TAFA1: variants seen among roughly 807,000 people sequenced by gnomAD.
TAFA1 encodes chemokine-like protein TAFA-1.
A neutral mutation model predicts 18.5 loss-of-function variants in TAFA1; 4 were observed. The observed-to-expected ratio is 0.22, with a 90% CI of 0.11 to 0.49. The LOEUF (loss-of-function observed/expected upper bound fraction) is 0.49. Among genes scored for constraint, TAFA1 ranks in the 20% least tolerant of loss-of-function variants. TAFA1 has a pLI of 0.98. For missense variants in TAFA1, 147 were observed against 169.0 expected (o/e 0.87, Z 0.72); for synonymous variants, 56 against 55.2 (o/e 1.01, Z -0.06).
At chr3:68,247,980 A>T (rs2067116432) in intron 2 of TAFA1, among the ~76,000 whole-genome samples, 1 of 152,160 alleles carries the variant, frequency 6.6e-6, no homozygotes, top group African/African-American at 2.4e-5. Flanking sequence ...TTATGTTCAT[A>T]AAGTAAAGAT....
chr3:68,462,465 C>T (rs931690393), intron 3 of TAFA1, among the ~76,000 whole-genome samples: 1 of 152,112 alleles, frequency 6.6e-6, no homozygotes, highest in African/African-American at 2.4e-5. Flanking sequence ...CACCTTTCAC[C>T]ATGATCATGA....
intron 2 of TAFA1, among the ~76,000 whole-genome samples, chr3:68,187,217 C>A (rs1488054965): frequency 2.0e-5 from 3 of 151,824 alleles, no homozygotes; most frequent in African/African-American, 7.3e-5. Flanking sequence ...TTATAAGCAG[C>A]CTCTCATTAT....
At chr3:68,211,114 C>G (rs2066591550) in intron 2 of TAFA1, among the ~76,000 whole-genome samples, 1 of 151,980 alleles carries the variant, frequency 6.6e-6, no homozygotes, top group Non-Finnish European at 1.5e-5. Flanking sequence ...AACAAGGCAG[C>G]CTTAGCTGTG....
intron 2 of TAFA1, among the ~76,000 whole-genome samples, chr3:68,103,328 G>T (rs1009093714): frequency 9.2e-5 from 14 of 152,346 alleles, no homozygotes; most frequent in South Asian, 6.2e-4. Flanking sequence ...TGAGGAGGAA[G>T]TGTTGTATGG....
intron 2 of TAFA1, among the ~76,000 whole-genome samples, chr3:68,187,294 GGATT>G (rs2066282848): frequency 6.6e-6 from 1 of 151,844 alleles, no homozygotes; most frequent in South Asian, 2.1e-4. Context: ...ATTACTTAAT[GGATT>G]ATCACAAAGT....
chr3:68,229,958 T>G (rs73097310), intron 2 of TAFA1, among the ~76,000 whole-genome samples: 1,643 of 152,214 alleles, frequency 0.011, 16 homozygotes, highest in Non-Finnish European at 0.017. Context: ...ATAAGTAACT[T>G]TTTTTTAATT....
intron 2 of TAFA1, among the ~76,000 whole-genome samples, chr3:68,011,128 T>TG (rs1704462834): frequency 3.8e-5 from 1 of 26,074 alleles, no homozygotes; most frequent in Admixed American, 4.6e-4. Context: ...TGTGTGTGTG[T>TG]GGGGGGTGGT....
intron 2 of TAFA1, among the ~76,000 whole-genome samples, chr3:68,331,100 T>C (rs1189276456): frequency 7.0e-6 from 1 of 143,756 alleles, no homozygotes; most frequent in Non-Finnish European, 1.5e-5. Flanking sequence ...TGAAATATTA[T>C]TCAATCTTAA....
At position 68,006,715 on chromosome 3, in the gene TAFA1, C is replaced by G; in HGVS notation, c.89C>G (p.Thr30Ser). 1 of 1,613,994 alleles carries G rather than the reference C, an allele frequency of 6.2e-7. No homozygotes were observed. The highest frequency in any genetic ancestry group is 1.1e-5 in the South Asian group (1 of 91,088). ...MLLCHGSLQH[T>S]FQQHHLHRPE... ...CTCTGCCATGGATCCCTTCAGCACACTTTCCAGCAGCATCACCTGCACAGA... is the reference window on the plus strand; with the variant it reads ...CTCTGCCATGGATCCCTTCAGCACAGTTTCCAGCAGCATCACCTGCACAGA... Residue 30 changes from threonine to serine, a missense_variant, in exon 2 of 5, where the codon ACT (threonine) becomes AGT (serine). Coordinates refer to ENST00000478136, the MANE Select transcript of TAFA1 (RefSeq NM_213609.4).
chr3:68,525,043 T>C (rs1029942312), intron 3 of TAFA1, among the ~76,000 whole-genome samples: 1 of 152,094 alleles, frequency 6.6e-6, no homozygotes, highest in Non-Finnish European at 1.5e-5. Context: ...TATATAGCCA[T>C]AAATACAGTC....
chr3:68,308,517 A>G (rs1194174076), intron 2 of TAFA1, among the ~76,000 whole-genome samples: 1 of 152,178 alleles, frequency 6.6e-6, no homozygotes, highest in East Asian at 1.9e-4. Flanking sequence ...GCTTCTTATA[A>G]GTACCACATG....
chr3:68,503,109 T>G (rs1308694472), intron 3 of TAFA1, among the ~76,000 whole-genome samples: 4 of 152,146 alleles, frequency 2.6e-5, no homozygotes, highest in African/African-American at 9.7e-5. Context: ...AAGTGGAAAG[T>G]TCCATACTTG....
intron 3 of TAFA1, among the ~76,000 whole-genome samples, chr3:68,531,019 C>CAAAACAAAAG (rs753155495): frequency 1.4e-5 from 2 of 147,628 alleles, no homozygotes; most frequent in Non-Finnish European, 3.0e-5. Context: ...ACAACAACAA[C>CAAAACAAAAG]AAAACAAAAC....
intron 2 of TAFA1, among the ~76,000 whole-genome samples, chr3:68,300,020 G>A (rs1360995293): frequency 6.6e-6 from 1 of 152,230 alleles, no homozygotes; most frequent in Non-Finnish European, 1.5e-5. Flanking sequence ...AATGTGGGGT[G>A]GGAACCCCCA....
intron 2 of TAFA1, among the ~76,000 whole-genome samples, chr3:68,165,831 C>T (rs1489811042): frequency 1.3e-5 from 2 of 152,226 alleles, no homozygotes. Flanking sequence ...TCGTTTTGCT[C>T]ACTGCTATAT....
At chr3:68,537,319 C>T (rs531231984) in intron 3 of TAFA1, among the ~76,000 whole-genome samples, 4 of 152,116 alleles carry the variant, frequency 2.6e-5, no homozygotes, top group Non-Finnish European at 4.4e-5. Flanking sequence ...GAGGGAGAAT[C>T]ACAGTGATTA....
chr3:68,372,007 C>T (rs1346194755), intron 2 of TAFA1, among the ~76,000 whole-genome samples: 3 of 152,074 alleles, frequency 2.0e-5, no homozygotes, highest in Admixed American at 1.3e-4. Flanking sequence ...CTGAACATCT[C>T]GATGTAGGCT....
intron 2 of TAFA1, among the ~76,000 whole-genome samples, chr3:68,156,522 C>A (rs2065868610): frequency 6.6e-6 from 1 of 152,172 alleles, no homozygotes; most frequent in Admixed American, 6.6e-5. Flanking sequence ...GGAACAGATA[C>A]TGTGGCTGCT....
intron 2 of TAFA1, among the ~76,000 whole-genome samples, chr3:68,261,836 C>T (rs1191755841): frequency 6.6e-6 from 1 of 151,810 alleles, no homozygotes; most frequent in Non-Finnish European, 1.5e-5. Context: ...TTAATGTGTG[C>T]AGCACACCAA....
Sources: gnomAD v4.1 joint callset for allele counts (sites outside exome capture counted in the v4.1 genomes callset) on GRCh38, gnomAD v4.1.1 for gene constraint, MANE v1.5 for transcripts, NCBI Gene and HGNC (gene_info 2026-07-23, HGNC 2026-07-21) for gene names.